The following GPHN variants were observed in gnomAD, a reference collection of about 807,000 sequenced individuals.
GPHN encodes gephyrin.
GPHN carries 17 observed loss-of-function variants against 95.5 expected under a neutral mutation model. That is an observed-to-expected ratio of 0.18 (90% CI 0.12 to 0.27). The LOEUF is 0.27. Ranked by LOEUF, GPHN falls within the 10% of genes least tolerant of loss-of-function variation. The pLI, the probability that GPHN is intolerant of heterozygous loss-of-function variation, is 1.00. For synonymous variants in GPHN, 320 were observed against 322.5 expected (o/e 0.99, Z 0.08); for missense variants, 660 against 978.1 (o/e 0.67, Z 4.34).
the GPHN span, chr14:67,292,762 G>C: frequency 1.0e-5 from 15 of 1,473,134 alleles, no homozygotes; most frequent in Middle Eastern, 1.7e-4. Context: ...AAGGTAATTA[G>C]TAGTGGCAGG....
the GPHN span, among the ~76,000 whole-genome samples, chr14:67,404,272 G>A: frequency 6.6e-6 from 1 of 152,152 alleles, no homozygotes; most frequent in Non-Finnish European, 1.5e-5. Flanking sequence ...AAAGCAACAA[G>A]AATAGGTGGC....
At chr14:66,773,080 C>T (rs1435733191) in intron 2 of GPHN, among the ~76,000 whole-genome samples, 2 of 152,262 alleles carry the variant, frequency 1.3e-5, no homozygotes, top group East Asian at 3.9e-4. Context: ...TTCTGGTCTC[C>T]CCAGAGAAGA....
intron 10 of GPHN, among the ~76,000 whole-genome samples, chr14:67,033,321 T>C (rs1168696758): frequency 6.6e-6 from 1 of 152,112 alleles, no homozygotes; most frequent in Non-Finnish European, 1.5e-5. Flanking sequence ...CCCAACACTT[T>C]GGGAGGCCAA....
chr14:66,587,225 TAA>T lies in GPHN; in HGVS notation c.64+78635_64+78636del, dbSNP rs1255018299. Reference sequence around the variant, plus strand: ...TTTACATAATAACAAGTAAGGAGATTAAGTCAATAATAAAAAATAGCTCTTAT... The same window carrying T: ...TTTACATAATAACAAGTAAGGAGATTGTCAATAATAAAAAATAGCTCTTAT... On this transcript the variant is annotated intron_variant, in intron 1 of 22. Transcript: ENST00000478722. Among the ~76,000 whole-genome samples, 4 of 152,204 alleles carry T rather than the reference TAA, an allele frequency of 2.6e-5. No homozygotes were observed. The East Asian group carries it at 7.7e-4, about 29-fold the overall frequency.
At chr14:67,418,042 G>A in the GPHN span, among the ~76,000 whole-genome samples, 1 of 152,110 alleles carries the variant, frequency 6.6e-6, no homozygotes, top group Non-Finnish European at 1.5e-5. Flanking sequence ...CACCATGCCC[G>A]GCCTGGATAA....
chr14:66,681,432 T>C (rs965731962), intron 2 of GPHN, among the ~76,000 whole-genome samples: 3 of 152,162 alleles, frequency 2.0e-5, no homozygotes, highest in Admixed American at 2.0e-4. Flanking sequence ...ATCTTGCCAA[T>C]GTGGCAGTAG....
chr14:66,677,319 C>A (rs557244306), intron 1 of GPHN, among the ~76,000 whole-genome samples: 1 of 152,000 alleles, frequency 6.6e-6, no homozygotes, highest in Non-Finnish European at 1.5e-5. Flanking sequence ...TTGGCTTGTT[C>A]TTCCTTTTCT....
At chr14:66,678,184 G>A (rs1251806008) in intron 1 of GPHN, among the ~76,000 whole-genome samples, 5 of 151,978 alleles carry the variant, frequency 3.3e-5, no homozygotes, top group Admixed American at 2.0e-4. Flanking sequence ...AGTTTTCTAT[G>A]CCTTTTCTAC....
At chr14:67,439,594 T>TTTCTTTCTTTCTTTC in the GPHN span, among the ~76,000 whole-genome samples, 4 of 101,962 alleles carry the variant, frequency 3.9e-5, no homozygotes, top group African/African-American at 2.3e-4. Flanking sequence ...TCTTTCTTTC[T>TTTCTTTCTTTCTTTC]TCTTTCTTTT....
At chr14:67,418,243 GCATATGGT>G in the GPHN span, among the ~76,000 whole-genome samples, 11 of 152,188 alleles carry the variant, frequency 7.2e-5, no homozygotes, top group African/African-American at 2.7e-4. Context: ...TACACAGCTA[GCATATGGT>G]CGAGTCCAGG....
the GPHN span, chr14:67,562,895 G>T: frequency 6.2e-7 from 1 of 1,611,078 alleles, no homozygotes; most frequent in Admixed American, 1.7e-5. Flanking sequence ...TTCATCCTGG[G>T]TAAGAGGCAA....
the GPHN span, chr14:67,333,251 A>C: frequency 4.3e-6 from 1 of 232,994 alleles, no homozygotes. Context: ...GTTTTCACCT[A>C]AACCCTTTCT....
At chr14:66,865,666 A>T (rs1410953629) in intron 4 of GPHN, among the ~76,000 whole-genome samples, 1 of 152,100 alleles carries the variant, frequency 6.6e-6, no homozygotes, top group African/African-American at 2.4e-5. Context: ...TATCGCATTT[A>T]TTGTTCCTGA....
intron 2 of GPHN, among the ~76,000 whole-genome samples, chr14:66,740,063 A>G (rs530099444): frequency 6.6e-6 from 1 of 152,284 alleles, no homozygotes; most frequent in East Asian, 1.9e-4. Context: ...GAAATTATTG[A>G]GAATTTATCA....
chr14:66,874,815 C>T (rs1277624820), intron 4 of GPHN, among the ~76,000 whole-genome samples: 1 of 152,084 alleles, frequency 6.6e-6, no homozygotes, highest in South Asian at 2.1e-4. Context: ...GAGAACAGAA[C>T]CAAGTTGGAA....
At chr14:66,667,364 A>G (rs1335739201) in intron 1 of GPHN, among the ~76,000 whole-genome samples, 1 of 152,168 alleles carries the variant, frequency 6.6e-6, no homozygotes. Flanking sequence ...TAAGCCTAAA[A>G]AACAAAGCTG....
intron 2 of GPHN, among the ~76,000 whole-genome samples, chr14:66,712,675 C>T (rs187005356): frequency 2.0e-4 from 30 of 152,238 alleles, no homozygotes; most frequent in African/African-American, 7.0e-4. Flanking sequence ...GCTTTTGTTG[C>T]CAATCAAATG....
the GPHN span, among the ~76,000 whole-genome samples, chr14:67,638,193 A>C: frequency 1.3e-5 from 2 of 152,132 alleles, no homozygotes; most frequent in African/African-American, 2.4e-5. Flanking sequence ...CAGTTAATTT[A>C]CTCTAATAAC....
At chr14:67,341,007 G>A in the GPHN span, among the ~76,000 whole-genome samples, 12 of 152,164 alleles carry the variant, frequency 7.9e-5, no homozygotes, top group African/African-American at 2.7e-4. Flanking sequence ...GTGCAGTGGC[G>A]TGATCTCGGC....
Sources: gnomAD v4.1 joint callset for allele counts (sites outside exome capture counted in the v4.1 genomes callset) on GRCh38, gnomAD v4.1.1 for gene constraint, MANE v1.5 for transcripts, NCBI Gene and HGNC (gene_info 2026-07-23, HGNC 2026-07-21) for gene names.